The following KIF26B variants were observed in gnomAD, a reference collection of about 807,000 sequenced individuals.
KIF26B encodes kinesin-like protein KIF26B.
A neutral mutation model predicts 151.2 loss-of-function variants in KIF26B; 63 were observed. That is an observed-to-expected ratio of 0.42 (90% CI 0.34 to 0.51). KIF26B has a LOEUF of 0.51. Among genes scored for constraint, KIF26B ranks in the 20% least tolerant of loss-of-function variants. The pLI is 0.07. For synonymous variants in KIF26B, 1,357 were observed against 1,262.1 expected (o/e 1.08, Z -1.59); for missense variants, 2,813 against 2,913.6 (o/e 0.97, Z 0.79).
chr1:245,571,663 A>G (rs930795368), intron 5 of KIF26B, among the ~76,000 whole-genome samples: 1 of 152,208 alleles, frequency 6.6e-6, no homozygotes, highest in East Asian at 1.9e-4. Context: ...GAGGGGAGTC[A>G]TCCTAACAAG....
chr1:245,556,220 CCTCCTCTT>C (rs1662021692), intron 5 of KIF26B, among the ~76,000 whole-genome samples: 1 of 150,708 alleles, frequency 6.6e-6, no homozygotes, highest in Non-Finnish European at 1.5e-5. Context: ...TCTTCCTCCT[CCTCCTCTT>C]CTTCTTCTTC....
chr1:245,519,437 C>T (rs1363623936), intron 4 of KIF26B, among the ~76,000 whole-genome samples: 1 of 151,918 alleles, frequency 6.6e-6, no homozygotes, highest in Non-Finnish European at 1.5e-5. Context: ...GCCTGTAATT[C>T]CAGCTATTCT....
intron 4 of KIF26B, among the ~76,000 whole-genome samples, chr1:245,493,076 G>A (rs1328203986): frequency 6.6e-6 from 1 of 152,090 alleles, no homozygotes; most frequent in Non-Finnish European, 1.5e-5. Flanking sequence ...ACTGTGCCTG[G>A]ACAGGAAATA....
intron 4 of KIF26B, among the ~76,000 whole-genome samples, chr1:245,451,852 G>A (rs111711836): frequency 0.24 from 36,071 of 151,702 alleles, 4,453 homozygotes; most frequent in East Asian, 0.31. Flanking sequence ...CACCCACCTC[G>A]GCCTCCCAAA....
intron 3 of KIF26B, among the ~76,000 whole-genome samples, chr1:245,401,307 G>A (rs1673995323): frequency 6.6e-6 from 1 of 152,136 alleles, no homozygotes; most frequent in Non-Finnish European, 1.5e-5. Flanking sequence ...AGAAGCCGCA[G>A]ATCAGCCATA....
intron 4 of KIF26B, among the ~76,000 whole-genome samples, chr1:245,496,314 A>C (rs1660513165): frequency 6.6e-6 from 1 of 152,242 alleles, no homozygotes; most frequent in South Asian, 2.1e-4. Context: ...TAAAATGTTC[A>C]GAAAATAAAT....
intron 3 of KIF26B, among the ~76,000 whole-genome samples, chr1:245,380,941 T>C (rs1572033562): frequency 9.2e-6 from 1 of 108,936 alleles, no homozygotes; most frequent in African/African-American, 4.0e-5. Context: ...AAGACACTGA[T>C]GGGCCAAAAA....
chr1:245,545,575 T>C (rs1431250105), intron 5 of KIF26B, among the ~76,000 whole-genome samples: 1 of 152,210 alleles, frequency 6.6e-6, no homozygotes, highest in Non-Finnish European at 1.5e-5. Context: ...TGAAGGACAA[T>C]CTGATTTAAG....
chr1:245,365,738 T>A (rs1413222768), intron 2 of KIF26B, among the ~76,000 whole-genome samples: 2 of 151,992 alleles, frequency 1.3e-5, no homozygotes, highest in African/African-American at 4.8e-5. Context: ...CCTATCCCAG[T>A]TCCCCCACGA....
At chr1:245,331,220 C>T (rs746969781) in intron 2 of KIF26B, among the ~76,000 whole-genome samples, 6 of 151,994 alleles carry the variant, frequency 3.9e-5, no homozygotes, top group East Asian at 1.9e-4. Context: ...GCGCTCTTGC[C>T]GGAGGAGGGT....
rs11385851 is a variant in KIF26B at position 245,487,099 on chromosome 1, T to TGGG, written c.1167-53662_1167-53660dup. ...GTCTCTAATTGTGGAGAATTGAGAA[T>TGGG]GGGGGGGGTGGTTAGAGTCCCTTGA... On this transcript the variant is annotated intron_variant, in intron 4 of 14. Coordinates refer to ENST00000407071, the MANE Select transcript of KIF26B (RefSeq NM_018012.4). Among the ~76,000 whole-genome samples the TGGG allele has an allele frequency of 1.5e-3, 231 of 151,474 alleles. 7 individuals are homozygous for TGGG. In the East Asian group the frequency reaches 0.036, roughly 23 times the overall value.
At chr1:245,369,010 C>A (rs570714681) in intron 3 of KIF26B, among the ~76,000 whole-genome samples, 2 of 151,994 alleles carry the variant, frequency 1.3e-5, no homozygotes, top group Non-Finnish European at 2.9e-5. Flanking sequence ...TGGTGGCATG[C>A]GCCTGTAGTG....
chr1:245,627,214 A>C (rs942459717), intron 9 of KIF26B, among the ~76,000 whole-genome samples: 3 of 152,130 alleles, frequency 2.0e-5, no homozygotes, highest in Non-Finnish European at 4.4e-5. Flanking sequence ...CTTTGTGTGC[A>C]AGGTTTTTCT....
At chr1:245,447,377 T>G (rs1659271621) in intron 4 of KIF26B, among the ~76,000 whole-genome samples, 2 of 152,190 alleles carry the variant, frequency 1.3e-5, no homozygotes, top group African/African-American at 2.4e-5. Context: ...GAACTCATAG[T>G]GCTTAATAAG....
At chr1:245,680,096 C>T (rs1440491465) in intron 10 of KIF26B, among the ~76,000 whole-genome samples, 1 of 152,140 alleles carries the variant, frequency 6.6e-6, no homozygotes, top group Non-Finnish European at 1.5e-5. Context: ...CTGACTGTTG[C>T]CCTGGAAACT....
chr1:245,651,591 C>T (rs2044015833), intron 10 of KIF26B, among the ~76,000 whole-genome samples: 1 of 152,224 alleles, frequency 6.6e-6, no homozygotes. Context: ...GGGTTCCAAA[C>T]CCCCAGGCCA....
chr1:245,414,443 G>T (rs1674368707), intron 3 of KIF26B, among the ~76,000 whole-genome samples: 1 of 152,194 alleles, frequency 6.6e-6, no homozygotes, highest in Non-Finnish European at 1.5e-5. Flanking sequence ...TCACGGTAGG[G>T]GCCTGAGGTG....
intron 5 of KIF26B, among the ~76,000 whole-genome samples, chr1:245,583,734 T>C (rs937080891): frequency 6.6e-6 from 1 of 152,178 alleles, no homozygotes; most frequent in Non-Finnish European, 1.5e-5. Context: ...CCACCTCACT[T>C]TCGGTGTGTC....
intron 4 of KIF26B, among the ~76,000 whole-genome samples, chr1:245,508,407 A>G (rs530405096): frequency 6.6e-6 from 1 of 151,944 alleles, no homozygotes; most frequent in South Asian, 2.1e-4. Flanking sequence ...CGCCCGGCTA[A>G]TTTTTTGTAT....
Sources: allele counts gnomAD v4.1 joint callset (sites outside exome capture counted in the v4.1 genomes callset), GRCh38; gene constraint gnomAD v4.1.1; transcripts MANE v1.5; gene names NCBI Gene and HGNC (gene_info 2026-07-23, HGNC 2026-07-21).